Variants in FAM163B observed in about 807,000 individuals in gnomAD.
FAM163B encodes protein FAM163B.
Under a neutral mutation model 7.6 loss-of-function variants are expected in FAM163B, and 4 were observed. That is an observed-to-expected ratio of 0.52 (90% confidence interval 0.26 to 1.20). FAM163B has a LOEUF of 1.20. FAM163B is among the 50% of genes most tolerant of loss of function. The pLI is 0.14. For missense variants in FAM163B, 250 were observed against 243.0 expected, an observed-to-expected ratio of 1.03 and a Z score of -0.19; for synonymous variants, 120 against 111.6, an observed-to-expected ratio of 1.07 and a Z score of -0.47.
chr9:133,581,676 A>T (rs1389324810), intron 1 of FAM163B, among the ~76,000 whole-genome samples: 7 of 152,210 alleles, frequency 4.6e-5, no homozygotes, highest in African/African-American at 1.7e-4. Flanking sequence ...TGTTTATCTG[A>T]CAGAATTTTC....
chr9:133,593,560 C>A (rs535860470), intron 1 of FAM163B, among the ~76,000 whole-genome samples: 1 of 152,324 alleles, frequency 6.6e-6, no homozygotes, highest in African/African-American at 2.4e-5. Context: ...CCATATCTGC[C>A]TGGGAGTCAG....
intron 1 of FAM163B, among the ~76,000 whole-genome samples, chr9:133,581,632 C>T (rs964739183): frequency 2.6e-5 from 4 of 152,174 alleles, no homozygotes; most frequent in African/African-American, 4.8e-5. Context: ...ATTCACGCCC[C>T]GCACCCCCAT....
At chr9:133,588,593 T>TGCCGAAAGATCTAGCAA (rs1831477782) in intron 1 of FAM163B, among the ~76,000 whole-genome samples, 1 of 152,102 alleles carries the variant, frequency 6.6e-6, no homozygotes, top group Non-Finnish European at 1.5e-5. Context: ...GGATCTAGCA[T>TGCCGAAAGATCTAGCAA]GTTGAGGGAT....
rs1177674715 is a variant in FAM163B, at chr9:133,601,574, C to T, written c.-24+7503G>A. Among the ~76,000 whole-genome samples the T allele has an allele frequency of 6.6e-6, 1 of 152,228 alleles. No individual in the cohort carries two copies. Among genetic ancestry groups the T allele is most frequent in the Non-Finnish European group, 1.5e-5 (1 of 68,048 alleles). ...GGAGAATTTCGGGTGCCACATGGGTCAGACGCAGCTACCCCCCGGACTGCT... is the reference window on the plus strand; with the variant it reads ...GGAGAATTTCGGGTGCCACATGGGTTAGACGCAGCTACCCCCCGGACTGCT... On this transcript the variant is annotated intron_variant, in intron 1 of 2. Coordinates refer to ENST00000673969, the MANE Select transcript of FAM163B (RefSeq NM_001080515.3). This position sits in a 1 kb window ranked among gnomAD's most constrained non-coding sequence, Gnocchi z 4.1.
In FAM163B at chr9:133,606,352, G is replaced by T. The variant is rs1025418986; in HGVS notation, c.-24+2725C>A. Reference sequence around the variant, plus strand: ...GGGAGCTGGCAAACACTGAGGCCTCGGAACTCATCAAATCCCCTCTGGAGC... The same window carrying T: ...GGGAGCTGGCAAACACTGAGGCCTCTGAACTCATCAAATCCCCTCTGGAGC... On this transcript the variant is annotated intron_variant, in intron 1 of 2. Transcript: ENST00000673969. This position sits in a 1 kb window ranked among gnomAD's most constrained non-coding sequence, Gnocchi z 4.0. Among the ~76,000 whole-genome samples, 1 of 152,158 alleles carries T rather than the reference G, an allele frequency of 6.6e-6. No homozygotes were observed. The highest frequency in any genetic ancestry group is 1.5e-5 in the Non-Finnish European group (1 of 68,014).
At chr9:133,594,489 G>A (rs888677225) in intron 1 of FAM163B, among the ~76,000 whole-genome samples, 22 of 152,152 alleles carry the variant, frequency 1.4e-4, no homozygotes, top group Non-Finnish European at 1.0e-4. Flanking sequence ...CTGTCTCCAT[G>A]CTCCTGGAGC....
intron 1 of FAM163B, chr9:133,586,070 C>T (rs1831432621): frequency 6.6e-6 from 1 of 152,242 alleles, no homozygotes; most frequent in South Asian, 2.1e-4. Context: ...TAATTTCATG[C>T]TCCGCGGGCT....
chr9:133,598,771 C>G (rs548488505), intron 1 of FAM163B, among the ~76,000 whole-genome samples: 2 of 152,302 alleles, frequency 1.3e-5, no homozygotes, highest in South Asian at 4.1e-4. Flanking sequence ...CAGGAGTCCT[C>G]ATCTTATTTC....
chr9:133,598,468 G>A (rs555085127), intron 1 of FAM163B, among the ~76,000 whole-genome samples: 37 of 152,106 alleles, frequency 2.4e-4, no homozygotes, highest in Non-Finnish European at 4.0e-4. Flanking sequence ...TGTTCACAAG[G>A]TTACAGGCAG....
At chr9:133,589,139 G>T (rs1831497308) in intron 1 of FAM163B, among the ~76,000 whole-genome samples, 1 of 152,102 alleles carries the variant, frequency 6.6e-6, no homozygotes, top group African/African-American at 2.4e-5. Context: ...TCCTGCCCGT[G>T]CCATCCTGTG....
chr9:133,603,788 C>T (rs1290357052), intron 1 of FAM163B, among the ~76,000 whole-genome samples: 1 of 152,234 alleles, frequency 6.6e-6, no homozygotes, highest in East Asian at 1.9e-4. Context: ...TGCTACCTTG[C>T]ACCCATCTTC....
At chr9:133,591,093 C>T (rs918918751) in intron 1 of FAM163B, among the ~76,000 whole-genome samples, 1 of 152,204 alleles carries the variant, frequency 6.6e-6, no homozygotes, top group Non-Finnish European at 1.5e-5. Flanking sequence ...GGCCCAAGCC[C>T]GGACCACCCC....
In FAM163B at chr9:133,609,331, T is replaced by G. The variant is rs1831825574; in HGVS notation, c.-278A>C. ...CGGCCGCGACTCCGGACGCCCCGGC[T>G]GGCTCCCTGCGAGCTGCACGCGCGG... On this transcript the variant is annotated 5_prime_UTR_variant, in exon 1 of 3. Transcript: ENST00000673969. Among the ~76,000 whole-genome samples the G allele has an allele frequency of 3.3e-5, 5 of 149,628 alleles. No homozygotes were observed. In the South Asian group the frequency reaches 1.0e-3, roughly 31 times the overall value.
chr9:133,596,810 A>C (rs528068424), intron 1 of FAM163B, among the ~76,000 whole-genome samples: 8 of 152,310 alleles, frequency 5.3e-5, no homozygotes, highest in African/African-American at 1.7e-4. Context: ...TGTGAGCAAA[A>C]CTACCTGAGG....
chr9:133,581,129 CT>C (rs1831349604), intron 1 of FAM163B, among the ~76,000 whole-genome samples: 1 of 152,204 alleles, frequency 6.6e-6, no homozygotes, highest in Non-Finnish European at 1.5e-5. Context: ...TGGAGTGATG[CT>C]GTCAGTGGCT....
chr9:133,590,205 T>G (rs1458980862), intron 1 of FAM163B, among the ~76,000 whole-genome samples: 1 of 142,148 alleles, frequency 7.0e-6, no homozygotes, highest in African/African-American at 2.6e-5. Flanking sequence ...TTTCCTTTCC[T>G]TTCCTTCCCT....
At chr9:133,583,211 C>G (rs1289438174) in intron 1 of FAM163B, among the ~76,000 whole-genome samples, 5 of 152,192 alleles carry the variant, frequency 3.3e-5, no homozygotes, top group Non-Finnish European at 7.3e-5. Context: ...TGAGGGCCCA[C>G]TGCTAGGGCT....
In FAM163B at chr9:133,601,589, C is replaced by G. The variant is rs1331071356; in HGVS notation, c.-24+7488G>C. 1.3e-5 allele frequency among the ~76,000 whole-genome samples: 2 copies of G among 152,192 alleles called. No individual in the cohort carries two copies. Among genetic ancestry groups the G allele is most frequent in the Admixed American group, 6.5e-5 (1 of 15,288 alleles). ...CCACATGGGTCAGACGCAGCTACCC[C>G]CCGGACTGCTCCTACACGCTGGCTT... is the stretch of plus-strand genomic sequence containing the variant. On this transcript the variant is annotated intron_variant, in intron 1 of 2. Transcript: ENST00000673969. This position sits in a 1 kb window ranked among gnomAD's most constrained non-coding sequence, Gnocchi z 4.1.
intron 1 of FAM163B, among the ~76,000 whole-genome samples, chr9:133,581,464 T>A (rs1470498066): frequency 1.3e-5 from 2 of 152,092 alleles, no homozygotes; most frequent in Non-Finnish European, 2.9e-5. Context: ...CCATAAATAC[T>A]CCAGTGCAGC....
Sources: gnomAD v4.1 joint callset for allele counts (sites outside exome capture counted in the v4.1 genomes callset) on GRCh38, gnomAD v4.1.1 for gene constraint, Gnocchi (gnomAD v3.1) non-coding constraint, MANE v1.5 for transcripts, NCBI Gene and HGNC (gene_info 2026-07-23, HGNC 2026-07-21) for gene names.